COA1: variants seen among roughly 807,000 people sequenced by gnomAD.
COA1 encodes cytochrome c oxidase assembly factor 1 homolog.
A neutral mutation model predicts 16.0 loss-of-function variants in COA1; 13 were observed. The observed-to-expected ratio is 0.81, with a 90% CI of 0.53 to 1.29. COA1 has a LOEUF of 1.29. Among genes scored for constraint, COA1 ranks in the 50% most tolerant of loss-of-function variants. The pLI, the probability that COA1 is intolerant of heterozygous loss-of-function variation, is 0.00. For synonymous variants in COA1, 65 were observed against 65.7 expected, an observed-to-expected ratio of 0.99 and a Z score of 0.05; for missense variants, 179 against 177.0, an observed-to-expected ratio of 1.01 and a Z score of -0.06.
intron 1 of COA1, among the ~76,000 whole-genome samples, chr7:43,687,943 C>G (rs1395841375): frequency 6.6e-6 from 1 of 152,186 alleles, no homozygotes; most frequent in Non-Finnish European, 1.5e-5. Context: ...GTAACTGAAT[C>G]ATGGGGGCCA....
intron 1 of COA1, among the ~76,000 whole-genome samples, chr7:43,678,884 T>C (rs2093646122): frequency 6.6e-6 from 1 of 152,246 alleles, no homozygotes; most frequent in Non-Finnish European, 1.5e-5. Flanking sequence ...GTGCAGCTGC[T>C]GTGGAAAATA....
chr7:43,718,075 T>C (rs934545948), intron 1 of COA1, among the ~76,000 whole-genome samples: 14 of 152,218 alleles, frequency 9.2e-5, no homozygotes, highest in Admixed American at 7.2e-4. Context: ...AACGGACTAA[T>C]ATACTACCAT....
downstream of COA1, among the ~76,000 whole-genome samples, chr7:43,637,978 A>G (rs936687553): frequency 6.6e-5 from 10 of 152,224 alleles, no homozygotes; most frequent in African/African-American, 2.4e-4. Flanking sequence ...ACATATAGAC[A>G]ATAGGACAGT....
At chr7:43,614,144 C>A (rs62461076) in intron 6 of COA1, among the ~76,000 whole-genome samples, 20,123 of 152,184 alleles carry the variant, frequency 0.13, 1,675 homozygotes, top group Admixed American at 0.27. Flanking sequence ...CTCAACTTTA[C>A]AATGATCTTA....
At chr7:43,673,222 G>A (rs2093356642) in intron 1 of COA1, among the ~76,000 whole-genome samples, 1 of 152,162 alleles carries the variant, frequency 6.6e-6, no homozygotes, top group African/African-American at 2.4e-5. Flanking sequence ...AGAGTAAACA[G>A]ACAACCTACA....
chr7:43,616,159 A>G (rs760033028), intron 6 of COA1, among the ~76,000 whole-genome samples: 7 of 152,184 alleles, frequency 4.6e-5, no homozygotes, highest in Non-Finnish European at 7.4e-5. Context: ...GTCTGCTCAC[A>G]TATCTCCTCT....
At chr7:43,698,379 C>T (rs774970844) in intron 1 of COA1, among the ~76,000 whole-genome samples, 2 of 152,196 alleles carry the variant, frequency 1.3e-5, no homozygotes, top group African/African-American at 4.8e-5. Context: ...AACTGATACA[C>T]AATTTACAGA....
intron 1 of COA1, among the ~76,000 whole-genome samples, chr7:43,706,043 G>A (rs2094959810): frequency 6.6e-6 from 1 of 152,146 alleles, no homozygotes; most frequent in Non-Finnish European, 1.5e-5. Context: ...TGGTCTCAGT[G>A]GGAGAGGCTC....
chr7:43,700,822 G>C (rs999792437), intron 1 of COA1, among the ~76,000 whole-genome samples: 2 of 152,084 alleles, frequency 1.3e-5, no homozygotes, highest in African/African-American at 2.4e-5. Context: ...TAGGTGCTCT[G>C]TAAAGAAGTA....
chr7:43,621,061 G>A (rs531793646), intron 6 of COA1, among the ~76,000 whole-genome samples: 1 of 152,294 alleles, frequency 6.6e-6, no homozygotes, highest in South Asian at 2.1e-4. Flanking sequence ...CAAGAAAAGA[G>A]CTATCCGGAG....
chr7:43,666,679 A>G (rs1196883615), intron 1 of COA1, among the ~76,000 whole-genome samples: 1 of 152,218 alleles, frequency 6.6e-6, no homozygotes, highest in Non-Finnish European at 1.5e-5. Context: ...GGTTTGCTAA[A>G]CATTCCAAGA....
intron 1 of COA1, chr7:43,650,851 G>A (rs1302165196): frequency 6.6e-6 from 1 of 150,524 alleles, no homozygotes; most frequent in Non-Finnish European, 1.5e-5. Context: ...TATTTTACAA[G>A]CAGCCGAAAG....
At chr7:43,695,140 C>A (rs527665823) in intron 1 of COA1, among the ~76,000 whole-genome samples, 1 of 150,774 alleles carries the variant, frequency 6.6e-6, no homozygotes, top group African/African-American at 2.4e-5. Flanking sequence ...TCCTGACAAA[C>A]CTCCTGCTTC....
intron 6 of COA1, among the ~76,000 whole-genome samples, chr7:43,627,631 GT>G (rs2084706229): frequency 6.6e-6 from 1 of 152,304 alleles, no homozygotes; most frequent in South Asian, 2.1e-4. Flanking sequence ...TATATTTATT[GT>G]CCAAGATTGG....
chr7:43,639,762 G>A, intron 5 of COA1, 81 bp from the exon 6 acceptor site: 1 of 1,109,906 alleles, frequency 9.0e-7, no homozygotes, highest in Non-Finnish European at 1.3e-6. Flanking sequence ...GGCGCGGAAA[G>A]CAGTTGTTTT....
intron 1 of COA1, among the ~76,000 whole-genome samples, chr7:43,661,709 A>G (rs911791946): frequency 1.3e-5 from 2 of 152,000 alleles, no homozygotes; most frequent in Non-Finnish European, 2.9e-5. Flanking sequence ...GTTTCTATCT[A>G]ACTTCAATCA....
chr7:43,680,960 G>T, intron 1 of COA1, among the ~76,000 whole-genome samples: 1 of 152,184 alleles, frequency 6.6e-6, no homozygotes, highest in Admixed American at 6.5e-5. Context: ...AATATAGTGA[G>T]ACCCTGTCTC....
chr7:43,647,632 A>G lies in COA1; in HGVS notation c.18T>C (p.Tyr6=), dbSNP rs1217805176. Reference sequence around the variant, plus strand: ...GAGGCATTGACCGCCTGCTTCCTGCATACTTAAAAACAAAAGATACAAATT... The same window carrying G: ...GAGGCATTGACCGCCTGCTTCCTGCGTACTTAAAAACAAAAGATACAAATT... The part of the protein sequence containing the change: MMWQK[Y]AGSRRSMPLG... The change falls in exon 3 of 6, where the codon TAT becomes TAC. Residue 6 remains tyrosine (Y), a splice_region_variant and synonymous_variant. Transcript: ENST00000223336. 1.2e-6 allele frequency: 2 copies of G among 1,609,954 alleles called. No individual in the cohort carries two copies. Among genetic ancestry groups the G allele is most frequent in the Non-Finnish European group, 8.5e-7 (1 of 1,176,748 alleles).
intron 6 of COA1, among the ~76,000 whole-genome samples, chr7:43,633,913 CT>C (rs1176158174): frequency 6.6e-6 from 1 of 152,032 alleles, no homozygotes; most frequent in Non-Finnish European, 1.5e-5. Flanking sequence ...CAATTGCAGT[CT>C]GTTTTCTCCG....
Sources: gnomAD v4.1 joint callset for allele counts (sites outside exome capture counted in the v4.1 genomes callset) on GRCh38, gnomAD v4.1.1 for gene constraint, MANE v1.5 for transcripts, NCBI Gene and HGNC (gene_info 2026-07-23, HGNC 2026-07-21) for gene names.